Variants in FAM107B observed in about 807,000 individuals in gnomAD.
FAM107B encodes family with sequence similarity 107 member B.
A neutral mutation model predicts 31.5 loss-of-function variants in FAM107B; 21 were observed. The observed-to-expected ratio is 0.67, with a 90% CI of 0.47 to 0.96. The LOEUF (loss-of-function observed/expected upper bound fraction) is 0.96. Among genes scored for constraint, FAM107B ranks in the 40% least tolerant of loss-of-function variants. FAM107B has a pLI of 0.00. For missense variants in FAM107B, 452 were observed against 377.1 expected (o/e 1.20, Z -1.64); for synonymous variants, 157 against 141.5 (o/e 1.11, Z -0.78).
intron 3 of FAM107B, among the ~76,000 whole-genome samples, chr10:14,524,402 T>G (rs1846007334): frequency 6.6e-6 from 1 of 152,048 alleles, no homozygotes; most frequent in East Asian, 1.9e-4. Flanking sequence ...GTCTCCAATT[T>G]CCCAATTTTC....
At chr10:14,703,784 A>G (rs921679912) in intron 1 of FAM107B, among the ~76,000 whole-genome samples, 2 of 152,220 alleles carry the variant, frequency 1.3e-5, no homozygotes, top group African/African-American at 4.8e-5. Context: ...CAGTTTTCAC[A>G]CTTACATCAG....
chr10:14,613,124 G>A (rs11259225), intron 2 of FAM107B, among the ~76,000 whole-genome samples: 1,992 of 152,064 alleles, frequency 0.013, 45 homozygotes, highest in African/African-American at 0.045. Flanking sequence ...AGCGTGCACC[G>A]CCATGGCCGG....
At chr10:14,597,292 C>T (rs1588645694) in intron 2 of FAM107B, among the ~76,000 whole-genome samples, 1 of 152,176 alleles carries the variant, frequency 6.6e-6, no homozygotes, top group African/African-American at 2.4e-5. Context: ...TAAGACTGTA[C>T]AATTTTTGTA....
chr10:14,712,779 T>C (rs1037190149), intron 1 of FAM107B, among the ~76,000 whole-genome samples: 1 of 152,170 alleles, frequency 6.6e-6, no homozygotes, highest in Non-Finnish European at 1.5e-5. Context: ...TTGTTTTTCA[T>C]TTCTTTGTTT....
intron 2 of FAM107B, among the ~76,000 whole-genome samples, chr10:14,637,375 C>T (rs979467420): frequency 6.6e-6 from 1 of 152,176 alleles, no homozygotes; most frequent in African/African-American, 2.4e-5. Flanking sequence ...TGACTCACGC[C>T]ACTAATCTCA....
At chr10:14,580,864 C>T (rs960111197) in intron 2 of FAM107B, among the ~76,000 whole-genome samples, 3 of 152,200 alleles carry the variant, frequency 2.0e-5, no homozygotes, top group Admixed American at 6.5e-5. Context: ...TTCTGCAGAA[C>T]GTTCTTCCCA....
At chr10:14,670,719 G>A (rs1367913605) in intron 1 of FAM107B, among the ~76,000 whole-genome samples, 1 of 152,106 alleles carries the variant, frequency 6.6e-6, no homozygotes, top group Admixed American at 6.6e-5. Flanking sequence ...CCTCCCTAAG[G>A]TTTCCCTTTG....
chr10:14,563,392 C>T (rs1463088700), intron 2 of FAM107B, among the ~76,000 whole-genome samples: 2 of 152,142 alleles, frequency 1.3e-5, no homozygotes, highest in Non-Finnish European at 2.9e-5. Flanking sequence ...ATACAATACA[C>T]ACCTCTTTTC....
At chr10:14,621,850 A>C (rs1853018641) in intron 2 of FAM107B, among the ~76,000 whole-genome samples, 1 of 152,230 alleles carries the variant, frequency 6.6e-6, no homozygotes, top group Non-Finnish European at 1.5e-5. Context: ...AAAGGGAAGG[A>C]AAAATTCTTC....
intron 2 of FAM107B, among the ~76,000 whole-genome samples, chr10:14,624,528 C>T (rs963568955): frequency 2.6e-5 from 4 of 151,794 alleles, no homozygotes; most frequent in Admixed American, 6.6e-5. Context: ...CCTAGCTACT[C>T]GGGAGGCTGA....
At chr10:14,617,163 A>T (rs1852875435) in intron 2 of FAM107B, among the ~76,000 whole-genome samples, 1 of 151,162 alleles carries the variant, frequency 6.6e-6, no homozygotes, top group African/African-American at 2.4e-5. Context: ...GACTCGGGAT[A>T]TTTTCAGTTT....
At chr10:14,762,483 C>T (rs936148341) in intron 1 of FAM107B, among the ~76,000 whole-genome samples, 3 of 152,040 alleles carry the variant, frequency 2.0e-5, no homozygotes, top group African/African-American at 7.2e-5. Context: ...CGTGACTGAC[C>T]GGCATCTTTC....
At chr10:14,662,705 G>A (rs1854277660) in intron 2 of FAM107B, among the ~76,000 whole-genome samples, 1 of 152,162 alleles carries the variant, frequency 6.6e-6, no homozygotes, top group South Asian at 2.1e-4. Flanking sequence ...GCTGAGAGAG[G>A]TGACACAGTG....
chr10:14,747,393 AT>A (rs1392039082), intron 1 of FAM107B, among the ~76,000 whole-genome samples: 4 of 152,078 alleles, frequency 2.6e-5, no homozygotes, highest in Non-Finnish European at 4.4e-5. Flanking sequence ...AGTTTTCAGT[AT>A]TTTTTATTGC....
intron 1 of FAM107B, among the ~76,000 whole-genome samples, chr10:14,745,423 T>C (rs1832705394): frequency 1.3e-5 from 2 of 152,144 alleles, no homozygotes; most frequent in Admixed American, 1.3e-4. Flanking sequence ...TTCTAGCTTT[T>C]TGATGTAGGC....
At chr10:14,538,401 C>A (rs1412889503) in intron 2 of FAM107B, among the ~76,000 whole-genome samples, 1 of 152,164 alleles carries the variant, frequency 6.6e-6, no homozygotes, top group Non-Finnish European at 1.5e-5. Flanking sequence ...ACTGGCAATT[C>A]TGCAAGCAAA....
intron 2 of FAM107B, among the ~76,000 whole-genome samples, chr10:14,531,737 G>C (rs1588491778): frequency 6.6e-6 from 1 of 152,162 alleles, no homozygotes; most frequent in Non-Finnish European, 1.5e-5. Context: ...AGGAGGCTGA[G>C]GCAGGAGAAT....
chr10:14,728,730 A>G (rs549578126), intron 1 of FAM107B, among the ~76,000 whole-genome samples: 12 of 152,074 alleles, frequency 7.9e-5, no homozygotes, highest in African/African-American at 2.7e-4. Flanking sequence ...ACATACATTG[A>G]CCTCCAGCCA....
chr10:14,754,604 G>A lies in FAM107B; in HGVS notation c.411+19649C>T, dbSNP rs142239027. Among the ~76,000 whole-genome samples the A allele has an allele frequency of 2.1e-3, 327 of 152,304 alleles. 4 individuals are homozygous for A. The South Asian group carries it at 0.028, about 13-fold the overall frequency. On this transcript the variant is annotated intron_variant, in intron 1 of 4. Transcript: ENST00000181796. Reference sequence around the variant, plus strand: ...GCAAGAGGGGAGTCAGCTTCTAAAGGGAGCTGACATCGTGAAAAGCAGAGG... The same window carrying A: ...GCAAGAGGGGAGTCAGCTTCTAAAGAGAGCTGACATCGTGAAAAGCAGAGG...
Sources: allele counts gnomAD v4.1 joint callset (sites outside exome capture counted in the v4.1 genomes callset), GRCh38; gene constraint gnomAD v4.1.1; transcripts MANE v1.5; gene names NCBI Gene and HGNC (gene_info 2026-07-23, HGNC 2026-07-21).